FMN1: variants seen among roughly 807,000 people sequenced by gnomAD.
FMN1 encodes the protein formin-1.
FMN1 carries 110 observed loss-of-function variants against 132.4 expected under a neutral mutation model. The ratio of observed to expected loss-of-function variants is 0.83; its 90% CI spans 0.71 to 0.97. The LOEUF (loss-of-function observed/expected upper bound fraction) is 0.97, where lower values mean the gene tolerates loss of function less well. Ranked by LOEUF, FMN1 falls within the 50% of genes least tolerant of loss-of-function variation. The pLI, the probability that FMN1 is intolerant of heterozygous loss-of-function variation, is 0.00. For missense variants in FMN1, 1,792 were observed against 1,705.3 expected (o/e 1.05, Z -0.90); for synonymous variants, 722 against 651.7 (o/e 1.11, Z -1.64).
intron 6 of FMN1, among the ~76,000 whole-genome samples, chr15:33,046,993 C>T (rs2036717584): frequency 6.6e-6 from 1 of 152,190 alleles, no homozygotes; most frequent in Non-Finnish European, 1.5e-5. Context: ...ACAAACTTTG[C>T]TGCAGTTCCC....
chr15:33,098,646 A>C (rs1298252833), intron 4 of FMN1, among the ~76,000 whole-genome samples: 1 of 152,194 alleles, frequency 6.6e-6, no homozygotes, highest in Non-Finnish European at 1.5e-5. Context: ...ACAACCAATG[A>C]TTATGAGACA....
chr15:32,952,545 T>C lies in FMN1; in HGVS notation c.3138+11562A>G, dbSNP rs115333054. ...ATCTTTAGAGTCAATATGAATGTAA[T>C]AACCGTTTGAAAACAAAGTTTAAAG... On this transcript the variant is annotated intron_variant, in intron 9 of 20. Coordinates refer to ENST00000616417, the MANE Select transcript of FMN1 (RefSeq NM_001277313.2). 6.8e-3 allele frequency among the ~76,000 whole-genome samples: 1,038 copies of C among 152,326 alleles called. 17 individuals are homozygous for C. Among genetic ancestry groups the C allele is most frequent in the African/African-American group, 0.024 (992 of 41,556 alleles).
intron 7 of FMN1, among the ~76,000 whole-genome samples, chr15:32,980,501 A>G (rs965825155): frequency 1.3e-5 from 2 of 152,188 alleles, no homozygotes; most frequent in African/African-American, 4.8e-5. Flanking sequence ...AGAACATTTA[A>G]TCTTAAATAT....
intron 9 of FMN1, among the ~76,000 whole-genome samples, chr15:32,928,461 A>G (rs1366213716): frequency 6.6e-6 from 1 of 152,216 alleles, no homozygotes; most frequent in African/African-American, 2.4e-5. Context: ...CAATTTAGCC[A>G]TGCACCCATT....
At chr15:33,004,558 G>A (rs1476953048) in intron 7 of FMN1, among the ~76,000 whole-genome samples, 1 of 152,170 alleles carries the variant, frequency 6.6e-6, no homozygotes, top group Non-Finnish European at 1.5e-5. Context: ...GAGAGGATGT[G>A]AAGAAATAGG....
chr15:33,146,047 C>T (rs946809101), intron 4 of FMN1, among the ~76,000 whole-genome samples: 8 of 150,558 alleles, frequency 5.3e-5, no homozygotes, highest in Non-Finnish European at 8.8e-5. Flanking sequence ...GCAATCTCGG[C>T]TCACTGTAAC....
At chr15:32,934,945 C>A (rs2061225267) in intron 9 of FMN1, among the ~76,000 whole-genome samples, 1 of 147,062 alleles carries the variant, frequency 6.8e-6, no homozygotes, top group African/African-American at 2.5e-5. Context: ...TTTTTTGAGA[C>A]ACAGTCTTGC....
intron 17 of FMN1, among the ~76,000 whole-genome samples, chr15:32,832,572 G>C (rs1412593415): frequency 1.3e-5 from 2 of 152,120 alleles, no homozygotes; most frequent in Non-Finnish European, 2.9e-5. Context: ...GAAGTCAGGA[G>C]ATCAAGATCA....
intron 16 of FMN1, among the ~76,000 whole-genome samples, chr15:32,877,618 C>T (rs1369319980): frequency 6.6e-6 from 1 of 152,144 alleles, no homozygotes; most frequent in African/African-American, 2.4e-5. Flanking sequence ...ATCTAGCAAA[C>T]TACTTGTCTA....
intron 17 of FMN1, among the ~76,000 whole-genome samples, chr15:32,836,487 ACT>A (rs2058629821): frequency 6.6e-6 from 1 of 151,888 alleles, no homozygotes; most frequent in Admixed American, 6.6e-5. Context: ...TACCTCAGCA[ACT>A]CTTTCTCCCC....
chr15:33,153,985 C>A lies in FMN1; in HGVS notation c.930G>T (p.Lys310Asn). The change falls in exon 4 of 21, where the codon AAG becomes AAT. Residue 310 changes from lysine to asparagine, a missense_variant. Physicochemically the swap from Lys to Asn is moderately conservative, Grantham distance 94 (BLOSUM62 0). Transcript: ENST00000616417. ...QDPEKHPEAEKDEMEKPAKRT... is the reference protein window; with the variant it reads ...QDPEKHPEAENDEMEKPAKRT... ...GCTTAGCCGGCTTCTCCATCTCATCCTTTTCTGCCTCTGGATGCTTCTCAG... is the reference window on the plus strand; with the variant it reads ...GCTTAGCCGGCTTCTCCATCTCATCATTTTCTGCCTCTGGATGCTTCTCAG... 1 of 1,536,728 alleles carries A rather than the reference C, an allele frequency of 6.5e-7. No homozygotes were observed. The highest frequency in any genetic ancestry group is 1.2e-5 in the South Asian group (1 of 84,062).
intron 9 of FMN1, among the ~76,000 whole-genome samples, chr15:32,930,847 C>G (rs2061097763): frequency 6.6e-6 from 1 of 151,952 alleles, no homozygotes; most frequent in South Asian, 2.1e-4. Flanking sequence ...AGTTTCTAAT[C>G]TATTTTGAGT....
intron 9 of FMN1, among the ~76,000 whole-genome samples, chr15:32,958,373 C>G (rs915256086): frequency 1.3e-5 from 2 of 152,144 alleles, no homozygotes; most frequent in African/African-American, 4.8e-5. Context: ...AACAAGTGTT[C>G]ATCATCATCA....
chr15:33,045,060 G>C (rs983556094), intron 6 of FMN1, among the ~76,000 whole-genome samples: 1 of 152,212 alleles, frequency 6.6e-6, no homozygotes, highest in African/African-American at 2.4e-5. Context: ...CCCCAAGCCA[G>C]GGCTGTGACA....
chr15:32,989,693 C>T (rs1156786558), intron 7 of FMN1, among the ~76,000 whole-genome samples: 1 of 152,034 alleles, frequency 6.6e-6, no homozygotes, highest in Non-Finnish European at 1.5e-5. Flanking sequence ...CCTAAATAAT[C>T]GATAAGGTGG....
Position 33,155,538 on chromosome 15 carries a change from G to A in FMN1, c.-131-493C>T, listed in dbSNP as rs142081143. On this transcript the variant is annotated intron_variant, in intron 3 of 20. Coordinates refer to ENST00000616417, the MANE Select transcript of FMN1 (RefSeq NM_001277313.2). ...CTTCAAGATCTGAGCTCAAATTATC[G>A]ATTCAACTTAAAACACAATGTGAGG... is the stretch of plus-strand genomic sequence containing the variant. Among the ~76,000 whole-genome samples, 122 of 152,168 alleles carry A rather than the reference G, an allele frequency of 8.0e-4. 1 individual carries two copies. The highest frequency in any genetic ancestry group is 2.8e-3 in the African/African-American group (116 of 41,528).
At position 33,001,703 on chromosome 15, in the gene FMN1, C is replaced by T. The variant is rs569761271; in HGVS notation, c.2223+6311G>A. Among the ~76,000 whole-genome samples, 113 of 141,582 alleles carry T rather than the reference C, an allele frequency of 8.0e-4. No homozygotes were observed. The Middle Eastern group carries it at 0.011, about 14-fold the overall frequency. 92.9% of individuals were successfully genotyped at this position (141,582 alleles called of 152,430 possible). Reference sequence around the variant, plus strand: ...TCCTCCCCCTCCCCTTCCGCCTCCCCCTTCCCCCTCCTCCTCCTCCTCCTC... The same window carrying T: ...TCCTCCCCCTCCCCTTCCGCCTCCCTCTTCCCCCTCCTCCTCCTCCTCCTC... On this transcript the variant is annotated intron_variant, in intron 7 of 20. Coordinates refer to ENST00000616417, the MANE Select transcript of FMN1 (RefSeq NM_001277313.2).
chr15:33,035,269 T>C (rs1007334139), intron 6 of FMN1, among the ~76,000 whole-genome samples: 3 of 152,218 alleles, frequency 2.0e-5, no homozygotes, highest in African/African-American at 7.2e-5. Flanking sequence ...TATCTGTGAT[T>C]TCCTATTGCT....
chr15:33,016,818 G>A (rs12911519), intron 6 of FMN1, among the ~76,000 whole-genome samples: 6,838 of 152,216 alleles, frequency 0.045, 220 homozygotes, highest in South Asian at 0.071. Context: ...AGGCTTTGAC[G>A]CAGGAGATGT....
Sources: allele counts gnomAD v4.1 joint callset (sites outside exome capture counted in the v4.1 genomes callset), GRCh38; gene constraint gnomAD v4.1.1; transcripts MANE v1.5; gene names NCBI Gene and HGNC (gene_info 2026-07-23, HGNC 2026-07-21).